SGMS1: variants seen among roughly 807,000 people sequenced by gnomAD.
The protein encoded by SGMS1 is sphingomyelin synthase 1, also known as phosphatidylcholine:ceramide cholinephosphotransferase 1.
A neutral mutation model predicts 46.2 loss-of-function variants in SGMS1; 13 were observed. The observed-to-expected ratio is 0.28, with a 90% CI of 0.18 to 0.45. The LOEUF (loss-of-function observed/expected upper bound fraction) is 0.45. SGMS1 is among the 20% of genes least tolerant of loss of function. The pLI is 1.00. For missense variants in SGMS1, 324 were observed against 519.9 expected (o/e 0.62, Z 3.66); for synonymous variants, 203 against 187.8 (o/e 1.08, Z -0.66).
intron 6 of SGMS1, among the ~76,000 whole-genome samples, chr10:50,422,030 TCTC>T (rs1397067868): frequency 6.6e-6 from 1 of 152,160 alleles, no homozygotes; most frequent in African/African-American, 2.4e-5. Context: ...AACCCTTTCT[TCTC>T]CTAGAACTTT....
intron 2 of SGMS1, among the ~76,000 whole-genome samples, chr10:50,568,687 T>C (rs535640816): frequency 6.6e-6 from 1 of 152,196 alleles, no homozygotes; most frequent in Admixed American, 6.5e-5. Context: ...AAAAGTAAAG[T>C]TTGTTTTGTT....
chr10:50,408,444 A>C (rs200751159), intron 6 of SGMS1, among the ~76,000 whole-genome samples: 28,895 of 147,974 alleles, frequency 0.2, 2,836 homozygotes, highest in Admixed American at 0.23. Flanking sequence ...AAAAAAAAAA[A>C]AAAAAAAAAA....
intron 9 of SGMS1, among the ~76,000 whole-genome samples, chr10:50,309,960 C>T (rs772490116): frequency 6.6e-5 from 10 of 152,236 alleles, no homozygotes; most frequent in South Asian, 2.1e-4. Flanking sequence ...ACTTTTCTCC[C>T]GGTCTCCAGT....
chr10:50,609,011 G>T (rs1019486442), intron 1 of SGMS1, among the ~76,000 whole-genome samples: 1 of 152,024 alleles, frequency 6.6e-6, no homozygotes, highest in Non-Finnish European at 1.5e-5. Context: ...TTGACACAGG[G>T]TCTCACTCTG....
intron 3 of SGMS1, among the ~76,000 whole-genome samples, chr10:50,492,572 A>G (rs1837575741): frequency 6.6e-6 from 1 of 152,212 alleles, no homozygotes; most frequent in Admixed American, 6.5e-5. Flanking sequence ...AAAAGAATAA[A>G]ATACCTAGGA....
Position 50,506,808 on chromosome 10 carries a change from C to T in SGMS1, c.-498+13023G>A, listed in dbSNP as rs746647505. On this transcript the variant is annotated intron_variant, in intron 3 of 10. Coordinates refer to ENST00000361781, the MANE Select transcript of SGMS1 (RefSeq NM_147156.4). ...TTAATAGTGGCCACCATTAGCTGCA[C>T]CCTTCCCAGGTGCCAGGTACCCTGC... 3.3e-5 allele frequency among the ~76,000 whole-genome samples: 5 copies of T among 152,198 alleles called. No homozygotes were observed. The East Asian group carries it at 9.6e-4, about 29-fold the overall frequency.
At chr10:50,472,331 C>T (rs188495016) in intron 3 of SGMS1, among the ~76,000 whole-genome samples, 65 of 152,242 alleles carry the variant, frequency 4.3e-4, no homozygotes, top group African/African-American at 1.5e-3. Flanking sequence ...TCCAATTTAT[C>T]TCTCCATCCC....
Position 50,308,006 on chromosome 10 carries a change from C to A in SGMS1, c.1038G>T (p.Trp346Cys). 3 of 1,613,808 alleles carry A rather than the reference C, an allele frequency of 1.9e-6. No individual in the cohort carries two copies. The South Asian group carries it at 3.3e-5, about 18-fold the overall frequency. Reference sequence around the variant, plus strand: ...CTTGCTGATTGGCCATAGTGTGATACCACCAGAAGAGTCTCGTGGTGATGT... The same window carrying A: ...CTTGCTGATTGGCCATAGTGTGATAACACCAGAAGAGTCTCGTGGTGATGT... ...AYYITTRLFW[W>C]YHTMANQQVL... The change falls in exon 10 of 11, where the codon TGG becomes TGT. Residue 346 changes from tryptophan (W) to cysteine (C), a missense_variant. Around this residue, in one of 2 missense-constraint regions of SGMS1, gnomAD observed 174 missense variants for 350.1 expected, o/e 0.50. Coordinates refer to ENST00000361781, the MANE Select transcript of SGMS1 (RefSeq NM_147156.4).
At chr10:50,578,259 G>A (rs919401877) in intron 2 of SGMS1, among the ~76,000 whole-genome samples, 5 of 152,282 alleles carry the variant, frequency 3.3e-5, no homozygotes, top group Non-Finnish European at 5.9e-5. Context: ...CGCTCCCTTT[G>A]CGGTATTTAT....
chr10:50,525,173 A>G (rs1837890022), intron 2 of SGMS1, among the ~76,000 whole-genome samples: 1 of 152,234 alleles, frequency 6.6e-6, no homozygotes. Flanking sequence ...TCCATCCTCA[A>G]GAAGTTCTTA....
intron 6 of SGMS1, among the ~76,000 whole-genome samples, chr10:50,365,207 C>T (rs866723574): frequency 7.6e-5 from 10 of 131,302 alleles, no homozygotes; most frequent in Non-Finnish European, 1.4e-4. Context: ...GAGCCGAGGT[C>T]GTGCTACTGC....
At chr10:50,416,179 T>C (rs7069115) in intron 6 of SGMS1, among the ~76,000 whole-genome samples, 28,846 of 152,194 alleles carry the variant, frequency 0.19, 2,944 homozygotes, top group Admixed American at 0.24. Flanking sequence ...GAACCTCCTC[T>C]GGATCATTTT....
chr10:50,553,136 T>C (rs2133835077), intron 2 of SGMS1, among the ~76,000 whole-genome samples: 1 of 152,344 alleles, frequency 6.6e-6, no homozygotes, highest in Non-Finnish European at 1.5e-5. Context: ...TAAATATTCT[T>C]AAATGAAGTC....
intron 5 of SGMS1, among the ~76,000 whole-genome samples, chr10:50,448,933 T>G (rs1916569): frequency 0.17 from 26,437 of 151,996 alleles, 2,622 homozygotes; most frequent in Admixed American, 0.23. Flanking sequence ...AGAAGACTTA[T>G]GGATAAAAAT....
chr10:50,386,451 T>C (rs1848683701), intron 6 of SGMS1, among the ~76,000 whole-genome samples: 1 of 152,200 alleles, frequency 6.6e-6, no homozygotes, highest in Non-Finnish European at 1.5e-5. Flanking sequence ...ATACTGTCAT[T>C]ACTAGCTAAG....
chr10:50,568,281 C>G (rs1429572802), intron 2 of SGMS1, among the ~76,000 whole-genome samples: 2 of 152,088 alleles, frequency 1.3e-5, no homozygotes, highest in African/African-American at 4.8e-5. Flanking sequence ...TCAAACAGAG[C>G]TTGAAAATAG....
At chr10:50,447,148 T>G (rs1270002367) in intron 5 of SGMS1, among the ~76,000 whole-genome samples, 1 of 152,218 alleles carries the variant, frequency 6.6e-6, no homozygotes, top group East Asian at 1.9e-4. Flanking sequence ...CATTAACAAT[T>G]TAAAGGTTAC....
intron 1 of SGMS1, among the ~76,000 whole-genome samples, chr10:50,608,787 C>T (rs1450906171): frequency 1.3e-5 from 2 of 152,066 alleles, no homozygotes; most frequent in Admixed American, 1.3e-4. Context: ...TACAATCACC[C>T]CTCAGTAACT....
At chr10:50,332,037 T>C (rs1237779906) in intron 7 of SGMS1, among the ~76,000 whole-genome samples, 2 of 152,216 alleles carry the variant, frequency 1.3e-5, no homozygotes, top group East Asian at 3.8e-4. Flanking sequence ...GCCAGAATCA[T>C]CTATTTTGAA....
Sources: gnomAD v4.1 joint callset for allele counts (sites outside exome capture counted in the v4.1 genomes callset) on GRCh38, gnomAD v4.1.1 for gene constraint, gnomAD v4.1.1 regional missense constraint, MANE v1.5 for transcripts, NCBI Gene and HGNC (gene_info 2026-07-23, HGNC 2026-07-21) for gene names.